REEP3: variants seen among roughly 807,000 people sequenced by gnomAD.
REEP3 encodes receptor accessory protein 3.
REEP3 carries 20 observed loss-of-function variants against 41.3 expected under a neutral mutation model. The ratio of observed to expected loss-of-function variants is 0.48; its 90% CI spans 0.34 to 0.70. The LOEUF is 0.70. Ranked by LOEUF, REEP3 falls within the 30% of genes least tolerant of loss-of-function variation. The probability of loss-of-function intolerance (pLI) is 0.01; values close to 1 mark genes in which losing one functional copy is unlikely to be tolerated. For synonymous variants in REEP3, 104 were observed against 101.8 expected, an observed-to-expected ratio of 1.02 and a Z score of -0.13; for missense variants, 271 against 308.8, an observed-to-expected ratio of 0.88 and a Z score of 0.92.
intron 2 of REEP3, among the ~76,000 whole-genome samples, chr10:63,583,137 G>A (rs1305914934): frequency 2.0e-5 from 3 of 151,928 alleles, no homozygotes; most frequent in African/African-American, 7.3e-5. Flanking sequence ...GACTACAGGC[G>A]CCCACCACCA....
intron 1 of REEP3, among the ~76,000 whole-genome samples, chr10:63,558,143 C>G (rs1955706804): frequency 1.3e-5 from 2 of 152,148 alleles, no homozygotes; most frequent in African/African-American, 4.8e-5. Flanking sequence ...CCAAAGGAGA[C>G]AGGTGTAATA....
chr10:63,524,885 A>G (rs1955345415), intron 1 of REEP3, among the ~76,000 whole-genome samples: 2 of 152,020 alleles, frequency 1.3e-5, no homozygotes, highest in Admixed American at 6.6e-5. Context: ...GATGGCGCAC[A>G]CCTGTAGTCC....
intron 1 of REEP3, among the ~76,000 whole-genome samples, chr10:63,525,559 C>T (rs182715446): frequency 2.1e-4 from 32 of 152,248 alleles, no homozygotes; most frequent in African/African-American, 6.7e-4. Context: ...GCTGGGATTA[C>T]AGACATGTGC....
At chr10:63,614,317 A>G (rs12245846) in intron 6 of REEP3, among the ~76,000 whole-genome samples, 50,364 of 152,092 alleles carry the variant, frequency 0.33, 8,832 homozygotes, top group African/African-American at 0.45. Flanking sequence ...CCAAAACAGC[A>G]GCTTGAAACA....
intron 1 of REEP3, among the ~76,000 whole-genome samples, chr10:63,559,522 G>T (rs1172500211): frequency 1.3e-5 from 2 of 152,126 alleles, no homozygotes; most frequent in African/African-American, 2.4e-5. Flanking sequence ...CTTCAAAATT[G>T]ACCCAGTTAT....
At position 63,621,906 on chromosome 10, in the gene REEP3, G is replaced by A. The variant is rs1474674246; in HGVS notation, c.*1037G>A. Reference sequence around the variant, plus strand: ...TGCTAGTTTATAAACTGGCATTGACGAAAATCATTTGAATCTCTTCTGGCT... The same window carrying A: ...TGCTAGTTTATAAACTGGCATTGACAAAAATCATTTGAATCTCTTCTGGCT... On this transcript the variant is annotated 3_prime_UTR_variant, in exon 8 of 8. Transcript: ENST00000373758. The A allele has an allele frequency of 2.0e-5, 3 of 152,212 alleles. No homozygotes were observed. Among genetic ancestry groups the A allele is most frequent in the African/African-American group, 7.2e-5 (3 of 41,466 alleles). 9.4% of individuals were successfully genotyped at this position (152,212 alleles called of 1,614,324 possible).
chr10:63,564,656 T>C (rs909492533), intron 1 of REEP3, among the ~76,000 whole-genome samples: 1 of 151,814 alleles, frequency 6.6e-6, no homozygotes, highest in East Asian at 1.9e-4. Flanking sequence ...AAAATAGCTA[T>C]AAGGTTATTG....
intron 2 of REEP3, among the ~76,000 whole-genome samples, chr10:63,587,330 C>T (rs1956017485): frequency 2.0e-5 from 3 of 152,198 alleles, no homozygotes; most frequent in Admixed American, 6.5e-5. Context: ...TCCCCTTCTC[C>T]ATTTCTCAAT....
intron 6 of REEP3, among the ~76,000 whole-genome samples, chr10:63,614,724 C>A (rs1318791529): frequency 1.3e-5 from 2 of 152,182 alleles, no homozygotes; most frequent in African/African-American, 2.4e-5. Context: ...AGAGGAGTGT[C>A]AGAGAATCTG....
At chr10:63,560,495 C>T (rs1955730490) in intron 1 of REEP3, among the ~76,000 whole-genome samples, 1 of 152,108 alleles carries the variant, frequency 6.6e-6, no homozygotes, top group Admixed American at 6.6e-5. Flanking sequence ...TACTGCATTC[C>T]CATAAGTGGT....
At chr10:63,583,390 T>A (rs1198927044) in intron 2 of REEP3, among the ~76,000 whole-genome samples, 1 of 152,204 alleles carries the variant, frequency 6.6e-6, no homozygotes, top group African/African-American at 2.4e-5. Context: ...TTACTGTATG[T>A]TTAAAGTATG....
At chr10:63,565,328 A>G (rs768715604) in intron 1 of REEP3, among the ~76,000 whole-genome samples, 6 of 152,204 alleles carry the variant, frequency 3.9e-5, no homozygotes, top group Non-Finnish European at 7.3e-5. Context: ...CTTCTGTGCC[A>G]TATTATGTGA....
intron 1 of REEP3, among the ~76,000 whole-genome samples, chr10:63,550,204 A>G (rs953751910): frequency 7.9e-5 from 12 of 152,240 alleles, no homozygotes; most frequent in African/African-American, 2.9e-4. Context: ...ACTGGGTTAC[A>G]GATGGGAGAA....
intron 2 of REEP3, among the ~76,000 whole-genome samples, chr10:63,571,107 A>G (rs1005777183): frequency 6.6e-6 from 1 of 152,138 alleles, no homozygotes; most frequent in Non-Finnish European, 1.5e-5. Context: ...AGACAGAGTG[A>G]GACCATCGGG....
At chr10:63,586,366 C>T (rs1275935823) in intron 2 of REEP3, among the ~76,000 whole-genome samples, 12 of 152,136 alleles carry the variant, frequency 7.9e-5, no homozygotes, top group Admixed American at 6.6e-4. Flanking sequence ...GACTTTATAT[C>T]GCAGATGACT....
intron 2 of REEP3, among the ~76,000 whole-genome samples, chr10:63,594,291 G>A (rs1956093152): frequency 6.6e-6 from 1 of 151,920 alleles, no homozygotes; most frequent in South Asian, 2.1e-4. Flanking sequence ...GGGCAGCTGA[G>A]GCAAGAGGAT....
chr10:63,564,707 G>A (rs933406840), intron 1 of REEP3, among the ~76,000 whole-genome samples: 2 of 150,698 alleles, frequency 1.3e-5, no homozygotes, highest in Non-Finnish European at 1.5e-5. Flanking sequence ...TTTTCCTAAC[G>A]ATGATACCTA....
chr10:63,526,057 A>G (rs917851060), intron 1 of REEP3, among the ~76,000 whole-genome samples: 2 of 152,180 alleles, frequency 1.3e-5, no homozygotes, highest in African/African-American at 4.8e-5. Context: ...CTCTCCTAAA[A>G]TCCCAGCATG....
intron 2 of REEP3, among the ~76,000 whole-genome samples, chr10:63,577,063 C>A (rs1020927944): frequency 2.6e-5 from 4 of 152,160 alleles, no homozygotes; most frequent in African/African-American, 9.7e-5. Context: ...ACAACCATTT[C>A]TTGGAAAGTT....
Sources: gnomAD v4.1 joint callset for allele counts (sites outside exome capture counted in the v4.1 genomes callset) on GRCh38, gnomAD v4.1.1 for gene constraint, MANE v1.5 for transcripts, NCBI Gene and HGNC (gene_info 2026-07-23, HGNC 2026-07-21) for gene names.